The following NRN1 variants were observed in gnomAD, a reference collection of about 807,000 sequenced individuals.
NRN1 encodes the protein neuritin 1, also known as neuritin.
Under a neutral mutation model 15.0 loss-of-function variants are expected in NRN1, and 4 were observed. The ratio of observed to expected loss-of-function variants is 0.27; its 90% CI spans 0.13 to 0.61. The LOEUF is 0.61. NRN1 is among the 20% of genes least tolerant of loss of function. The probability of loss-of-function intolerance (pLI) is 0.87; values close to 1 mark genes in which losing one functional copy is unlikely to be tolerated. For synonymous variants in NRN1, 85 were observed against 79.8 expected, an observed-to-expected ratio of 1.07 and a Z score of -0.35; for missense variants, 134 against 181.9, an observed-to-expected ratio of 0.74 and a Z score of 1.51.
At chr6:6,005,155 A>G (rs564109305) in intron 1 of NRN1, among the ~76,000 whole-genome samples, 13 of 152,258 alleles carry the variant, frequency 8.5e-5, no homozygotes, top group African/African-American at 3.1e-4. Flanking sequence ...CTCTCAAAGT[A>G]AGGTTATTTC....
chr6:6,001,410 A>AG (rs1491438162), intron 2 of NRN1, among the ~76,000 whole-genome samples: 2 of 152,306 alleles, frequency 1.3e-5, no homozygotes, highest in East Asian at 3.9e-4. Flanking sequence ...TGCAGAGGAC[A>AG]GGGGTGTTTT....
In NRN1 at chr6:6,002,104, C is replaced by T. The variant is rs543926864; in HGVS notation, c.200+249G>A. 3.9e-5 allele frequency among the ~76,000 whole-genome samples: 6 copies of T among 152,372 alleles called. No individual in the cohort carries two copies. In the East Asian group the frequency reaches 9.6e-4, roughly 24 times the overall value. On this transcript the variant is annotated intron_variant, in intron 2 of 2. Coordinates refer to ENST00000244766, the MANE Select transcript of NRN1 (RefSeq NM_016588.3). ...TGCAAGCCTGAGAGGCCGCGTAGAG[C>T]TGGGACTGGGTCTATATTGAAGGAT...
Position 5,999,080 on chromosome 6 carries a change from C to G in NRN1, c.325G>C (p.Glu109Gln). The G allele has an allele frequency of 6.2e-7, 1 of 1,614,142 alleles. No homozygotes were observed. The highest frequency in any genetic ancestry group is 1.3e-5 in the African/African-American group (1 of 75,066). The change falls in exon 3 of 3, where the codon GAA (glutamate) becomes CAA (glutamine). Residue 109 changes from glutamate to glutamine, a missense_variant. Physicochemically the swap from Glu to Gln is conservative, Grantham distance 29. Coordinates refer to ENST00000244766, the MANE Select transcript of NRN1 (RefSeq NM_016588.3). ...KNLNIQGSLF[E>Q]LCGSGNGAAG... ...GCCCCGTTGCCGCTGCCGCAGAGTTCGAATAAGCTGCCTTGGATGTTGAGG... is the reference window on the plus strand; with the variant it reads ...GCCCCGTTGCCGCTGCCGCAGAGTTGGAATAAGCTGCCTTGGATGTTGAGG...
At chr6:6,003,976 G>A (rs1326720362) in intron 1 of NRN1, 3 of 1,220,010 alleles carry the variant, frequency 2.5e-6, no homozygotes, top group Non-Finnish European at 3.1e-6. Context: ...CAATCCCCCG[G>A]CCCCCAACGC....
intron 1 of NRN1, chr6:6,002,712 G>A (rs1432954312): frequency 3.1e-6 from 2 of 647,210 alleles, no homozygotes; most frequent in Non-Finnish European, 5.2e-6. Context: ...GCAAATTGTC[G>A]GTGTGTGAGC....
At chr6:6,006,164 G>A (rs1040793376) in intron 1 of NRN1, among the ~76,000 whole-genome samples, 1 of 152,140 alleles carries the variant, frequency 6.6e-6, no homozygotes, top group African/African-American at 2.4e-5. Context: ...AGCCGGGTCT[G>A]CGGTGCCCGT....
chr6:5,998,551 G>C lies in NRN1; in HGVS notation c.*425C>G, dbSNP rs2151030170. 6.4e-6 allele frequency: 1 copy of C among 157,128 alleles called. No homozygotes were observed. Among genetic ancestry groups the C allele is most frequent in the East Asian group, 1.9e-4 (1 of 5,356 alleles). 9.7% of individuals were successfully genotyped at this position (157,128 alleles called of 1,614,324 possible). On this transcript the variant is annotated 3_prime_UTR_variant, in exon 3 of 3. Coordinates refer to ENST00000244766, the MANE Select transcript of NRN1 (RefSeq NM_016588.3). ...CATCTCTCTTGAATTCATTCCCCTG[G>C]CCTTCTCCTCTCCTCGCCTTCCTAT... is the stretch of plus-strand genomic sequence containing the variant.
chr6:6,003,188 G>A lies in NRN1; in HGVS notation c.56-691C>T, dbSNP rs563965353. 5.7e-6 allele frequency: 7 copies of A among 1,234,416 alleles called. No homozygotes were observed. In the South Asian group the frequency reaches 2.9e-4, roughly 51 times the overall value. 76.5% of individuals were successfully genotyped at this position (1,234,416 alleles called of 1,614,324 possible). ...GCCTACCGTGGACTCTGTATTCCGA[G>A]TGAGACCCTCGGATGCACCCTCTCC... On this transcript the variant is annotated intron_variant, in intron 1 of 2. Coordinates refer to ENST00000244766, the MANE Select transcript of NRN1 (RefSeq NM_016588.3).
At chr6:5,999,590 C>G (rs1331866585) in intron 2 of NRN1, among the ~76,000 whole-genome samples, 1 of 152,252 alleles carries the variant, frequency 6.6e-6, no homozygotes, top group African/African-American at 2.4e-5. Context: ...GCCTCGCAAG[C>G]TGCCGCCCAT....
intron 2 of NRN1, among the ~76,000 whole-genome samples, chr6:5,999,677 C>T (rs1171811530): frequency 1.3e-5 from 2 of 152,208 alleles, no homozygotes; most frequent in Non-Finnish European, 2.9e-5. Flanking sequence ...CATTCTCCTC[C>T]CCCTCGCCCC....
Position 6,003,678 on chromosome 6 carries a change from G to A in NRN1, c.56-1181C>T, listed in dbSNP as rs1758029197. ...CGGCCTCTGGACGGCCAAACCCCGA[G>A]GCGCGGGACTGGAAGGACAGGTACC... On this transcript the variant is annotated intron_variant, in intron 1 of 2. Coordinates refer to ENST00000244766, the MANE Select transcript of NRN1 (RefSeq NM_016588.3). 2.4e-6 allele frequency: 3 copies of A among 1,232,430 alleles called. No homozygotes were observed. The South Asian group carries it at 1.2e-4, about 51-fold the overall frequency. 76.3% of individuals were successfully genotyped at this position (1,232,430 alleles called of 1,614,324 possible). A position where few individuals can be genotyped will look rare whatever the true frequency, so the allele number is the denominator to read the frequency against.
chr6:6,003,742 C>G, intron 1 of NRN1: 1 of 1,234,356 alleles, frequency 8.1e-7, no homozygotes, highest in Non-Finnish European at 1.0e-6. Context: ...TCTTTCCGCC[C>G]TGAGGCCGAC....
chr6:5,999,796 C>T (rs1337465074), intron 2 of NRN1, among the ~76,000 whole-genome samples: 7 of 152,188 alleles, frequency 4.6e-5, no homozygotes, highest in Admixed American at 4.6e-4. Context: ...ATTTCCCTTT[C>T]TTTCTTTTTC....
chr6:6,007,061 G>A (rs1402654598), upstream of NRN1: 1 of 365,098 alleles, frequency 2.7e-6, no homozygotes, highest in East Asian at 5.2e-5. Context: ...GGATGACACG[G>A]AATGATTTTT....
At chr6:6,002,760 T>C in intron 1 of NRN1, 1 of 512,956 alleles carries the variant, frequency 1.9e-6, no homozygotes, top group Non-Finnish European at 3.5e-6. Flanking sequence ...GTCCATTCCT[T>C]TCCTCCAGCT....
At position 6,002,377 on chromosome 6, in the gene NRN1, T is replaced by C; in HGVS notation, c.176A>G (p.Lys59Arg). ...MANYPQGLDDKTNIKTVCTYW... is the reference protein window; with the variant it reads ...MANYPQGLDDRTNIKTVCTYW... ...CGTGCACACGGTCTTGATGTTCGTC[T>C]TGTCGTCCAGGCCCTGCGGGTAGTT... The change falls in exon 2 of 3, where the codon AAG becomes AGG. Residue 59 changes from lysine to arginine, a missense_variant. Coordinates refer to ENST00000244766, the MANE Select transcript of NRN1 (RefSeq NM_016588.3). The C allele has an allele frequency of 6.2e-7, 1 of 1,614,246 alleles. No individual in the cohort carries two copies. The highest frequency in any genetic ancestry group is 8.5e-7 in the Non-Finnish European group (1 of 1,180,034).
At position 6,002,870 on chromosome 6, in the gene NRN1, G is replaced by A. The variant is rs554818366; in HGVS notation, c.56-373C>T. 6 of 381,168 alleles carry A rather than the reference G, an allele frequency of 1.6e-5. No homozygotes were observed. The South Asian group carries it at 4.2e-4, about 27-fold the overall frequency. The allele number at this position is 381,168 out of a possible 1,614,324, so 23.6% of individuals were successfully genotyped here. On this transcript the variant is annotated intron_variant, in intron 1 of 2. Coordinates refer to ENST00000244766, the MANE Select transcript of NRN1 (RefSeq NM_016588.3). ...TCTCTTTCTCCTCGCTCCCTCCTTC[G>A]TCTCCCAACACTTCCCCAGCAAGCC...
At chr6:6,004,081 C>A in intron 1 of NRN1, 15 of 1,088,916 alleles carry the variant, frequency 1.4e-5, no homozygotes, top group Non-Finnish European at 1.7e-5. Context: ...CAAATTGCTG[C>A]AGGAAGAGCG....
chr6:6,007,077 AAT>A (rs1240096041), upstream of NRN1: 1 of 331,942 alleles, frequency 3.0e-6, no homozygotes, highest in Non-Finnish European at 5.6e-6. Flanking sequence ...TTTTTTTTTT[AAT>A]ATAGACACCT....
Sources: allele counts gnomAD v4.1 joint callset (sites outside exome capture counted in the v4.1 genomes callset), GRCh38; gene constraint gnomAD v4.1.1; transcripts MANE v1.5; gene names NCBI Gene and HGNC (gene_info 2026-07-23, HGNC 2026-07-21).